CCDC60: variants seen among roughly 807,000 people sequenced by gnomAD.
CCDC60 encodes coiled-coil domain-containing protein 60.
CCDC60 carries 54 observed loss-of-function variants against 63.5 expected under a neutral mutation model. That is an observed-to-expected ratio of 0.85 (90% CI 0.68 to 1.07). The LOEUF (loss-of-function observed/expected upper bound fraction) is 1.07. CCDC60 is among the 50% of genes least tolerant of loss of function. The pLI is 0.00. For missense variants in CCDC60, 651 were observed against 684.3 expected (o/e 0.95, Z 0.54); for synonymous variants, 206 against 238.8 (o/e 0.86, Z 1.27).
In CCDC60 at chr12:119,420,127, C is replaced by T. The variant is rs185099724; in HGVS notation, c.91-8556C>T. On this transcript the variant is annotated intron_variant, in intron 1 of 13. Coordinates refer to ENST00000327554, the MANE Select transcript of CCDC60 (RefSeq NM_178499.5). This position sits in a 1 kb window ranked among gnomAD's most constrained non-coding sequence, Gnocchi z 4.1. ...TCCTGACCTCGTGATCCACCCGCCTCGGCCTCCCAAAGTGCTGAGATTACA... is the reference window on the plus strand; with the variant it reads ...TCCTGACCTCGTGATCCACCCGCCTTGGCCTCCCAAAGTGCTGAGATTACA... Among the ~76,000 whole-genome samples the T allele has an allele frequency of 8.6e-4, 131 of 152,156 alleles. No homozygotes were observed. The highest frequency in any genetic ancestry group is 1.6e-3 in the Non-Finnish European group (109 of 68,006).
At chr12:119,358,625 C>T (rs1235559350) in intron 1 of CCDC60, among the ~76,000 whole-genome samples, 2 of 152,188 alleles carry the variant, frequency 1.3e-5, no homozygotes, top group Admixed American at 6.5e-5. Flanking sequence ...TGGTAACCAC[C>T]ATCCTGACCT....
At chr12:119,516,530 G>A in intron 7 of CCDC60, 93 bp from the exon 8 acceptor site, 5 of 781,898 alleles carry the variant, frequency 6.4e-6, no homozygotes, top group Non-Finnish European at 1.1e-5. Context: ...CAGGAGCAGA[G>A]GTGACCCCAG....
intron 1 of CCDC60, among the ~76,000 whole-genome samples, chr12:119,397,236 A>G (rs987398470): frequency 5.9e-5 from 9 of 152,202 alleles, no homozygotes; most frequent in African/African-American, 2.2e-4. Flanking sequence ...CCAACAGCGA[A>G]AAAACAACAC....
chr12:119,456,839 T>C lies in CCDC60; in HGVS notation c.171-15155T>C, dbSNP rs1186907437. ...GTCACTCTTGTCGCCATCTTGGTTT[T>C]GGTGAGATTTAGCTGGCTTCTTTAC... On this transcript the variant is annotated intron_variant, in intron 2 of 13. Coordinates refer to ENST00000327554, the MANE Select transcript of CCDC60 (RefSeq NM_178499.5). The surrounding 1 kb of genome is among the most constrained non-coding windows in gnomAD (Gnocchi z 4.6). 6.6e-6 allele frequency among the ~76,000 whole-genome samples: 1 copy of C among 152,210 alleles called. No homozygotes were observed. Among genetic ancestry groups the C allele is most frequent in the East Asian group, 1.9e-4 (1 of 5,200 alleles).
chr12:119,386,897 G>C (rs538472801), intron 1 of CCDC60, among the ~76,000 whole-genome samples: 6 of 152,010 alleles, frequency 3.9e-5, no homozygotes, highest in African/African-American at 1.5e-4. Flanking sequence ...GAGCAGAGCC[G>C]GTGCTGGAAA....
At chr12:119,377,254 C>CAAAAAAAAAAAAAA (rs60100165) in intron 1 of CCDC60, among the ~76,000 whole-genome samples, 106 of 47,388 alleles carry the variant, frequency 2.2e-3, no homozygotes, top group Non-Finnish European at 2.7e-3. Flanking sequence ...CACTCCATCT[C>CAAAAAAAAAAAAAA]AAAAAAAAAA....
At chr12:119,526,429 T>C (rs1405863043) in intron 11 of CCDC60, among the ~76,000 whole-genome samples, 1 of 152,128 alleles carries the variant, frequency 6.6e-6, no homozygotes, top group Non-Finnish European at 1.5e-5. Flanking sequence ...TAATTGAACT[T>C]AAGAGCTTCC....
intron 1 of CCDC60, among the ~76,000 whole-genome samples, chr12:119,346,773 T>C (rs1955597112): frequency 6.8e-6 from 1 of 147,518 alleles, no homozygotes; most frequent in Non-Finnish European, 1.5e-5. Flanking sequence ...GACTCATCTT[T>C]CTCTTTCTTT....
chr12:119,349,098 G>A lies in CCDC60; in HGVS notation c.90+13832G>A, dbSNP rs961273992. Among the ~76,000 whole-genome samples, 4 of 152,162 alleles carry A rather than the reference G, an allele frequency of 2.6e-5. No homozygotes were observed. The East Asian group carries it at 7.7e-4, about 29-fold the overall frequency. Reference sequence around the variant, plus strand: ...ACAAGGGTCATACAGCTGCTGGTTAGTGGACCATCCATCATTTTTAACCAT... The same window carrying A: ...ACAAGGGTCATACAGCTGCTGGTTAATGGACCATCCATCATTTTTAACCAT... On this transcript the variant is annotated intron_variant, in intron 1 of 13. Transcript: ENST00000327554.
Position 119,488,856 on chromosome 12 carries a change from T to C in CCDC60, c.547T>C (p.Trp183Arg), listed in dbSNP as rs1381226581. 1.9e-6 allele frequency: 3 copies of C among 1,613,988 alleles called. No homozygotes were observed. The highest frequency in any genetic ancestry group is 1.6e-4 in the Middle Eastern group (1 of 6,062). Residue 183 changes from tryptophan to arginine, a missense_variant, in exon 5 of 14, where the codon TGG becomes CGG. Physicochemically the swap from Trp to Arg is moderately radical, Grantham distance 101. Coordinates refer to ENST00000327554, the MANE Select transcript of CCDC60 (RefSeq NM_178499.5). ...HHTMKPVITC[W>R]NPKDPGGSKS... ...CACCATGAAGCCTGTGATCACCTGC[T>C]GGAACCCAAAGTATGCCTCAGCCCT...
At chr12:119,538,890 TTGTTGA>T (rs1316750245) in intron 13 of CCDC60, among the ~76,000 whole-genome samples, 2 of 152,330 alleles carry the variant, frequency 1.3e-5, no homozygotes, top group East Asian at 3.9e-4. Flanking sequence ...GATGTGCTTT[TTGTTGA>T]TGTTGATGCT....
chr12:119,511,963 TA>T (rs1489279235), intron 7 of CCDC60, among the ~76,000 whole-genome samples: 1 of 152,032 alleles, frequency 6.6e-6, no homozygotes, highest in African/African-American at 2.4e-5. Context: ...AAGACAAAAA[TA>T]AAGGTCAAGT....
At chr12:119,460,046 A>G (rs1427119297) in intron 2 of CCDC60, among the ~76,000 whole-genome samples, 6 of 152,162 alleles carry the variant, frequency 3.9e-5, no homozygotes, top group African/African-American at 9.7e-5. Flanking sequence ...ATGCTGCTGG[A>G]CCACACTTTG....
chr12:119,350,202 TTTA>T (rs1955642103), intron 1 of CCDC60, among the ~76,000 whole-genome samples: 1 of 151,212 alleles, frequency 6.6e-6, no homozygotes, highest in African/African-American at 2.4e-5. Context: ...TATTTATTTA[TTTA>T]TTTATTTTTT....
intron 1 of CCDC60, among the ~76,000 whole-genome samples, chr12:119,380,785 G>C (rs1376953212): frequency 6.6e-6 from 1 of 152,232 alleles, no homozygotes; most frequent in Non-Finnish European, 1.5e-5. Context: ...CTCAGGCTCA[G>C]AGCCTTGTGA....
At chr12:119,526,332 C>G (rs1952676031) in intron 11 of CCDC60, among the ~76,000 whole-genome samples, 1 of 152,148 alleles carries the variant, frequency 6.6e-6, no homozygotes, top group Admixed American at 6.5e-5. Flanking sequence ...CTAGGCAATA[C>G]CATCCTGGAC....
intron 10 of CCDC60, among the ~76,000 whole-genome samples, chr12:119,523,270 T>G (rs1952578634): frequency 6.6e-6 from 1 of 152,138 alleles, no homozygotes; most frequent in African/African-American, 2.4e-5. Flanking sequence ...TCAAAACCAA[T>G]CCTATGAGGC....
At chr12:119,496,551 T>C (rs925879261) in intron 5 of CCDC60, among the ~76,000 whole-genome samples, 3 of 152,170 alleles carry the variant, frequency 2.0e-5, no homozygotes, top group African/African-American at 7.2e-5. Flanking sequence ...ACAGTAAATC[T>C]CTGTTGAAAA....
chr12:119,345,982 AT>A lies in CCDC60; in HGVS notation c.90+10738del, dbSNP rs768961316. 4.2e-3 allele frequency among the ~76,000 whole-genome samples: 497 copies of A among 118,674 alleles called. 1 individual carries two copies. Among genetic ancestry groups the A allele is most frequent in the Middle Eastern group, 0.011 (2 of 188 alleles). 77.9% of individuals were successfully genotyped at this position (118,674 alleles called of 152,430 possible). A position where few individuals can be genotyped will look rare whatever the true frequency, so the allele number is the denominator to read the frequency against. On this transcript the variant is annotated intron_variant, in intron 1 of 13. Coordinates refer to ENST00000327554, the MANE Select transcript of CCDC60 (RefSeq NM_178499.5). Reference sequence around the variant, plus strand: ...AAGCACATGCCGCCATACCCAGCTGATTTTTTTTTTTTTTTTTTTTTTAGTA... The same window carrying A: ...AAGCACATGCCGCCATACCCAGCTGATTTTTTTTTTTTTTTTTTTTTAGTA...
Sources: gnomAD v4.1 joint callset for allele counts (sites outside exome capture counted in the v4.1 genomes callset) on GRCh38, gnomAD v4.1.1 for gene constraint, Gnocchi (gnomAD v3.1) non-coding constraint, MANE v1.5 for transcripts, NCBI Gene and HGNC (gene_info 2026-07-23, HGNC 2026-07-21) for gene names.